The following NRP2 variants were observed in gnomAD, a reference collection of about 807,000 sequenced individuals.
NRP2 encodes neuropilin 2.
NRP2 carries 52 observed loss-of-function variants against 110.4 expected under a neutral mutation model. That is an observed-to-expected ratio of 0.47 (90% CI 0.38 to 0.59). The LOEUF (loss-of-function observed/expected upper bound fraction) is 0.59. NRP2 is among the 20% of genes least tolerant of loss of function. The pLI is 0.00. For missense variants in NRP2, 1,049 were observed against 1,203.0 expected, an observed-to-expected ratio of 0.87 and a Z score of 1.89; for synonymous variants, 508 against 468.9, an observed-to-expected ratio of 1.08 and a Z score of -1.08.
At chr2:205,753,074 C>A in intron 12 of NRP2, 99 bp downstream of exon 12, 1 of 1,459,054 alleles carries the variant, frequency 6.9e-7, no homozygotes, top group Non-Finnish European at 9.6e-7. Flanking sequence ...CTTCCCACCG[C>A]ACAGCAATCC....
intron 3 of NRP2, chr2:205,722,147 TC>T: frequency 1.9e-5 from 4 of 215,630 alleles, no homozygotes; most frequent in Admixed American, 5.4e-5. Context: ...AGAGAATCCC[TC>T]TCTCTCTCTC....
chr2:205,747,123 G>C (rs1435702043), intron 10 of NRP2, among the ~76,000 whole-genome samples: 1 of 152,144 alleles, frequency 6.6e-6, no homozygotes, highest in African/African-American at 2.4e-5. Context: ...GGGGATCCAG[G>C]AGCTTGTAAG....
chr2:205,732,363 A>T, intron 7 of NRP2, among the ~76,000 whole-genome samples: 1 of 152,268 alleles, frequency 6.6e-6, no homozygotes, highest in East Asian at 1.9e-4. Context: ...ATCATTTTTA[A>T]ATCAGAGACT....
At chr2:205,692,440 G>A (rs778599594) in intron 1 of NRP2, among the ~76,000 whole-genome samples, 8 of 152,164 alleles carry the variant, frequency 5.3e-5, no homozygotes, top group Non-Finnish European at 8.8e-5. Flanking sequence ...AGCTTATCCC[G>A]GGTTGGTGAG....
chr2:205,743,291 G>C lies in NRP2; in HGVS notation c.1380G>C (p.Trp460Cys). Residue 460 changes from tryptophan to cysteine, a missense_variant, in exon 9 of 17, where the codon TGG becomes TGC. Coordinates refer to ENST00000357785, the MANE Select transcript of NRP2 (RefSeq NM_003872.3). ...CCTCTTCCACCCAGGAATACCTCTG[G>C]AGCCCCAGTGCAGCCCGCCTGGTTA... is the stretch of plus-strand genomic sequence containing the variant. ...ISASSTQEYLWSPSAARLVSS... is the reference protein window; with the variant it reads ...ISASSTQEYLCSPSAARLVSS... 1 of 1,614,126 alleles carries C rather than the reference G, an allele frequency of 6.2e-7. No individual in the cohort carries two copies. The highest frequency in any genetic ancestry group is 8.5e-7 in the Non-Finnish European group (1 of 1,180,008).
intron 7 of NRP2, among the ~76,000 whole-genome samples, chr2:205,733,326 GC>G (rs1023991325): frequency 1.3e-5 from 2 of 152,192 alleles, no homozygotes; most frequent in African/African-American, 4.8e-5. Context: ...AAACTCCAAG[GC>G]CCCGGCTGTG....
intron 2 of NRP2, among the ~76,000 whole-genome samples, chr2:205,699,639 A>T (rs1050776075): frequency 3.9e-5 from 6 of 152,318 alleles, no homozygotes; most frequent in Middle Eastern, 3.4e-3. Context: ...TCAGTCCCAG[A>T]GATGGGGAGA....
chr2:205,792,197 C>T (rs747949575), intron 15 of NRP2, 38 bp from the exon 16 acceptor site: 12 of 1,409,518 alleles, frequency 8.5e-6, no homozygotes, highest in Non-Finnish European at 9.1e-6. Context: ...GGTGATAGAA[C>T]TTGTTATTAA....
Position 205,765,522 on chromosome 2 carries a change from A to G in NRP2, c.2356A>G (p.Ile786Val), listed in dbSNP as rs1017339253. 1.3e-5 allele frequency: 21 copies of G among 1,614,006 alleles called. No homozygotes were observed. Among genetic ancestry groups the G allele is most frequent in the African/African-American group, 6.7e-5 (5 of 74,880 alleles). ...IGKGRSGEIA[I>V]DDIRISTDVP... ...GAAAGGACGTTCCGGAGAGATTGCCATTGATGACATTCGGATAAGCACTGA... is the reference window on the plus strand; with the variant it reads ...GAAAGGACGTTCCGGAGAGATTGCCGTTGATGACATTCGGATAAGCACTGA... The change falls in exon 14 of 17, where the codon ATT becomes GTT. Residue 786 changes from isoleucine (I) to valine (V), a missense_variant. By Grantham distance (29) the Ile-to-Val change is conservative. Coordinates refer to ENST00000357785, the MANE Select transcript of NRP2 (RefSeq NM_003872.3).
intron 1 of NRP2, among the ~76,000 whole-genome samples, chr2:205,687,449 G>T (rs1230381041): frequency 6.6e-6 from 1 of 152,154 alleles, no homozygotes. Flanking sequence ...TTTTTCCCCC[G>T]TGATCAGCTC....
chr2:205,748,203 T>C (rs372507280), intron 10 of NRP2, among the ~76,000 whole-genome samples: 3 of 152,296 alleles, frequency 2.0e-5, no homozygotes, highest in East Asian at 1.9e-4. Context: ...CTGTTCTCCA[T>C]AGGTCACGTG....
intron 7 of NRP2, among the ~76,000 whole-genome samples, chr2:205,734,874 C>T (rs184444117): frequency 1.8e-4 from 28 of 152,338 alleles, no homozygotes; most frequent in Admixed American, 1.7e-3. Flanking sequence ...TCCCTGCTTT[C>T]TTTGCAGTCC....
intron 9 of NRP2, among the ~76,000 whole-genome samples, chr2:205,744,762 C>T (rs556222667): frequency 3.3e-5 from 5 of 152,262 alleles, no homozygotes; most frequent in African/African-American, 4.8e-5. Context: ...GGAGGTTTTG[C>T]GATGCTGAGG....
At chr2:205,701,515 G>A (rs2056557195) in intron 2 of NRP2, 1 of 149,596 alleles carries the variant, frequency 6.7e-6, no homozygotes, top group African/African-American at 2.5e-5. Flanking sequence ...CTCCGGCCTG[G>A]GTGAAAGAGT....
At position 205,686,368 on chromosome 2, in the gene NRP2, C is replaced by A. The variant is rs558014975; in HGVS notation, c.73+3005C>A. 9.5e-4 allele frequency among the ~76,000 whole-genome samples: 145 copies of A among 152,354 alleles called. 1 individual carries two copies. Among genetic ancestry groups the A allele is most frequent in the Admixed American group, 2.3e-3 (35 of 15,306 alleles). On this transcript the variant is annotated intron_variant, in intron 1 of 16. Transcript: ENST00000357785. This position sits in a 1 kb window ranked among gnomAD's most constrained non-coding sequence, Gnocchi z 4.7. ...GCAGCCGCCGGCGAGTTCCCGCCTC[C>A]CCTCCCCAGCCGCCTCGCTCTTTGC...
At chr2:205,709,401 T>C (rs2056753109) in intron 2 of NRP2, among the ~76,000 whole-genome samples, 1 of 152,204 alleles carries the variant, frequency 6.6e-6, no homozygotes, top group Admixed American at 6.5e-5. Context: ...TCTCAGGTGC[T>C]TCCTTAAGGC....
chr2:205,740,738 C>T (rs2057425761), intron 8 of NRP2, 75 bp downstream of exon 8: 1 of 1,544,770 alleles, frequency 6.5e-7, no homozygotes, highest in Non-Finnish European at 8.9e-7. Flanking sequence ...TCTCTGCAAA[C>T]AGCATGACTG....
intron 2 of NRP2, among the ~76,000 whole-genome samples, chr2:205,702,576 T>G (rs2056583295): frequency 6.6e-6 from 1 of 152,232 alleles, no homozygotes; most frequent in Non-Finnish European, 1.5e-5. Flanking sequence ...TTGTGTTTAT[T>G]TACAGCCAGA....
chr2:205,790,628 A>G (rs1488040622), intron 15 of NRP2, among the ~76,000 whole-genome samples: 1 of 150,482 alleles, frequency 6.6e-6, no homozygotes, highest in East Asian at 2.0e-4. Flanking sequence ...ATTGTTGGAA[A>G]TGTGACGGTT....
Sources: gnomAD v4.1 joint callset for allele counts (sites outside exome capture counted in the v4.1 genomes callset) on GRCh38, gnomAD v4.1.1 for gene constraint, Gnocchi (gnomAD v3.1) non-coding constraint, MANE v1.5 for transcripts, NCBI Gene and HGNC (gene_info 2026-07-23, HGNC 2026-07-21) for gene names.